The following PCDHGB2 variants were observed in gnomAD, a reference collection of about 807,000 sequenced individuals.
PCDHGB2 encodes protocadherin gamma-B2.
Under a neutral mutation model 59.3 loss-of-function variants are expected in PCDHGB2, and 55 were observed. That is an observed-to-expected ratio of 0.93 (90% CI 0.75 to 1.16). PCDHGB2 has a LOEUF of 1.16. PCDHGB2 is among the 50% of genes most tolerant of loss of function. PCDHGB2 has a pLI of 0.00. For missense variants in PCDHGB2, 1,228 were observed against 1,198.5 expected, an observed-to-expected ratio of 1.02 and a Z score of -0.36; for synonymous variants, 516 against 512.0, an observed-to-expected ratio of 1.01 and a Z score of -0.11.
intron 1 of PCDHGB2, chr5:141,478,450 AGCCAGTCCACTGGCCAGCC>A (rs1562070520): frequency 6.2e-7 from 1 of 1,613,572 alleles, no homozygotes. Context: ...AACCTGGTGC[AGCCAGTCCACTGGCCAGCC>A]GCCAGAACAC....
rs141873183 is a variant in PCDHGB2 at position 141,511,011 on chromosome 5, C to T, written c.2634C>T (p.Tyr878=). The T allele has an allele frequency of 1.5e-5, 24 of 1,614,082 alleles. No individual in the cohort carries two copies. Among genetic ancestry groups the T allele is most frequent in the Middle Eastern group, 1.6e-4 (1 of 6,084 alleles). Residue 878 remains tyrosine (Y), a synonymous_variant, in exon 4 of 4, where the codon TAC becomes TAT. Transcript: ENST00000522605. ...GAGTMGLSAR[Y]GPQFTLQHVP... The stretch of plus-strand genomic sequence containing the variant: ...GCACCATGGGATTGAGCGCCCGCTA[C>T]GGACCCCAGTTCACCCTGCAGCACG...
chr5:141,509,550 T>C (rs1562240751), intron 3 of PCDHGB2, among the ~76,000 whole-genome samples: 1 of 152,142 alleles, frequency 6.6e-6, no homozygotes, highest in Non-Finnish European at 1.5e-5. Flanking sequence ...TCTCATTTAG[T>C]CCTCACAGCA....
chr5:141,393,481 C>T, intron 1 of PCDHGB2: 1 of 1,614,066 alleles, frequency 6.2e-7, no homozygotes. Context: ...CCGCCTCGCT[C>T]TAGCACAGTG....
rs770419617 is a variant in PCDHGB2, at chr5:141,421,523, C to T, written c.2421+58967C>T. The T allele has an allele frequency of 2.5e-6, 4 of 1,614,034 alleles. No homozygotes were observed. In the Admixed American group the frequency reaches 5.0e-5, roughly 20 times the overall value. ...ATAGACCGGGAGGAGCTCTGTGAGA[C>T]GGTGTCCTCCTGTTTTTTAAATATG... On this transcript the variant is annotated intron_variant, in intron 1 of 3. Transcript: ENST00000522605.
intron 1 of PCDHGB2, chr5:141,408,050 G>C: frequency 7.9e-7 from 1 of 1,259,544 alleles, no homozygotes; most frequent in South Asian, 1.6e-5. Context: ...CCCACACAGA[G>C]CCTCCCGGCT....
At chr5:141,413,451 CA>C (rs1561742676) in intron 1 of PCDHGB2, 1 of 1,614,118 alleles carries the variant, frequency 6.2e-7, no homozygotes, top group East Asian at 2.2e-5. Context: ...TCACCGCGGG[CA>C]GGATAGACCG....
intron 1 of PCDHGB2, among the ~76,000 whole-genome samples, chr5:141,459,563 C>CAAAACAGAATT (rs1554142058): frequency 5.3e-5 from 8 of 152,044 alleles, no homozygotes; most frequent in Non-Finnish European, 2.9e-5. Context: ...ATAAATACCC[C>CAAAACAGAATT]AAAACAGAAT....
intron 2 of PCDHGB2, among the ~76,000 whole-genome samples, chr5:141,500,023 G>C (rs1393994881): frequency 1.3e-5 from 2 of 151,754 alleles, no homozygotes; most frequent in Admixed American, 6.6e-5. Flanking sequence ...TTTTATATTT[G>C]AGTGAGTGTC....
Position 141,477,202 on chromosome 5 carries a change from C to G in PCDHGB2, c.2422-17605C>G. 1 of 1,614,182 alleles carries G rather than the reference C, an allele frequency of 6.2e-7. No homozygotes were observed. The highest frequency in any genetic ancestry group is 1.1e-5 in the South Asian group (1 of 91,074). On this transcript the variant is annotated intron_variant, in intron 1 of 3. Transcript: ENST00000522605. This position sits in a 1 kb window ranked among gnomAD's most constrained non-coding sequence, Gnocchi z 4.9. ...TCACCTCCGTGTACAGCCCAGTACC[C>G]GAGGATGCCCCTCTGGGGACTGTCA...
intron 1 of PCDHGB2, chr5:141,404,265 T>A: frequency 6.2e-7 from 1 of 1,613,998 alleles, no homozygotes; most frequent in Non-Finnish European, 8.5e-7. Context: ...GAAATTCACA[T>A]CACCCTGCAA....
intron 1 of PCDHGB2, chr5:141,365,799 C>A: frequency 1.2e-6 from 2 of 1,613,942 alleles, no homozygotes; most frequent in South Asian, 1.1e-5. Context: ...GTCACCTACT[C>A]CCTGGCTGAA....
chr5:141,373,338 G>T (rs1251212812), intron 1 of PCDHGB2, among the ~76,000 whole-genome samples: 1 of 152,166 alleles, frequency 6.6e-6, no homozygotes, highest in Non-Finnish European at 1.5e-5. Context: ...ATCTAAAATG[G>T]CAACTCTTGT....
intron 1 of PCDHGB2, chr5:141,423,750 TGGGG>T: frequency 7.0e-5 from 20 of 287,406 alleles, no homozygotes; most frequent in Non-Finnish European, 9.0e-5. Context: ...GAAAACTGTT[TGGGG>T]GGGGGGTGGG....
intron 1 of PCDHGB2, chr5:141,375,076 G>T: frequency 6.2e-7 from 1 of 1,614,010 alleles, no homozygotes; most frequent in Non-Finnish European, 8.5e-7. Flanking sequence ...GAGACAGAGC[G>T]AAAGTCTTAA....
At chr5:141,502,139 C>G (rs923501238) in intron 2 of PCDHGB2, among the ~76,000 whole-genome samples, 1 of 152,104 alleles carries the variant, frequency 6.6e-6, no homozygotes, top group Non-Finnish European at 1.5e-5. Flanking sequence ...TCAGTCGGGC[C>G]GGAAGTAAGG....
chr5:141,434,209 A>G (rs946478332), intron 1 of PCDHGB2, among the ~76,000 whole-genome samples: 17 of 152,216 alleles, frequency 1.1e-4, no homozygotes, highest in African/African-American at 4.1e-4. Flanking sequence ...TACTTCTGTC[A>G]GTGTAAACAA....
chr5:141,465,778 A>G (rs544366126), intron 1 of PCDHGB2, among the ~76,000 whole-genome samples: 1 of 148,538 alleles, frequency 6.7e-6, no homozygotes, highest in East Asian at 1.9e-4. Context: ...CTCTTGTTAC[A>G]GTTTTTTTTT....
At chr5:141,396,792 A>G (rs2093435420) in intron 1 of PCDHGB2, among the ~76,000 whole-genome samples, 1 of 152,202 alleles carries the variant, frequency 6.6e-6, no homozygotes, top group Non-Finnish European at 1.5e-5. Flanking sequence ...GACATTTCCT[A>G]AGGATTGTGT....
chr5:141,397,893 G>T (rs1442552386), intron 1 of PCDHGB2: 4 of 650,466 alleles, frequency 6.1e-6, no homozygotes, highest in African/African-American at 5.5e-5. Flanking sequence ...GTTGGCCAAA[G>T]TGCAGAGCTT....
Sources: allele counts gnomAD v4.1 joint callset (sites outside exome capture counted in the v4.1 genomes callset), GRCh38; gene constraint gnomAD v4.1.1; non-coding constraint Gnocchi (gnomAD v3.1); transcripts MANE v1.5; gene names NCBI Gene and HGNC (gene_info 2026-07-23, HGNC 2026-07-21).